The following LRMDA variants were observed in gnomAD, a reference collection of about 807,000 sequenced individuals.
The protein encoded by LRMDA is leucine-rich melanocyte differentiation-associated protein.
A neutral mutation model predicts 29.8 loss-of-function variants in LRMDA; 18 were observed. The observed-to-expected ratio is 0.60, with a 90% CI of 0.42 to 0.90. The LOEUF (loss-of-function observed/expected upper bound fraction) is 0.90, where lower values mean the gene tolerates loss of function less well. Among genes scored for constraint, LRMDA ranks in the 40% least tolerant of loss-of-function variants. The pLI, the probability that LRMDA is intolerant of heterozygous loss-of-function variation, is 0.00. For missense variants in LRMDA, 273 were observed against 273.9 expected, an observed-to-expected ratio of 1.00 and a Z score of 0.02; for synonymous variants, 125 against 109.4, an observed-to-expected ratio of 1.14 and a Z score of -0.89.
At chr10:75,846,177 T>TTGTGTGTGTGTGTGTGTG (rs59549881) in intron 2 of LRMDA, among the ~76,000 whole-genome samples, 18 of 143,054 alleles carry the variant, frequency 1.3e-4, no homozygotes, top group East Asian at 4.1e-4. Context: ...GTGTGTGTGT[T>TTGTGTGTGTGTGTGTGTG]TGTGTGTGTG....
intron 6 of LRMDA, among the ~76,000 whole-genome samples, chr10:76,506,619 C>T (rs1274328494): frequency 1.3e-5 from 2 of 151,890 alleles, no homozygotes; most frequent in East Asian, 3.9e-4. Context: ...TTTCTTCATC[C>T]CTCTCTCCCC....
chr10:76,016,016 A>T (rs1303692469), intron 2 of LRMDA, among the ~76,000 whole-genome samples: 1 of 152,228 alleles, frequency 6.6e-6, no homozygotes, highest in Admixed American at 6.5e-5. Context: ...TATGTGGCAT[A>T]TAATCATATA....
At chr10:76,399,742 T>G (rs1841828273) in intron 6 of LRMDA, among the ~76,000 whole-genome samples, 1 of 152,230 alleles carries the variant, frequency 6.6e-6, no homozygotes, top group African/African-American at 2.4e-5. Context: ...CTTGGAACTT[T>G]TATTTTCTCC....
chr10:76,058,386 C>A (rs1038440937), intron 4 of LRMDA, among the ~76,000 whole-genome samples: 1 of 152,194 alleles, frequency 6.6e-6, no homozygotes, highest in Non-Finnish European at 1.5e-5. Context: ...GATAGGGTGC[C>A]ACTGGCTAAC....
At chr10:76,196,493 T>C (rs540923556) in intron 5 of LRMDA, among the ~76,000 whole-genome samples, 2 of 152,322 alleles carry the variant, frequency 1.3e-5, no homozygotes, top group East Asian at 3.9e-4. Flanking sequence ...AGAGTCCAAA[T>C]CTGCTCCTTC....
At chr10:75,532,263 G>C (rs1267163626) in intron 2 of LRMDA, among the ~76,000 whole-genome samples, 1 of 152,144 alleles carries the variant, frequency 6.6e-6, no homozygotes, top group South Asian at 2.1e-4. Context: ...ATCTTGGGGA[G>C]AGGTGACAAA....
intron 2 of LRMDA, among the ~76,000 whole-genome samples, chr10:75,916,782 C>A (rs1845942359): frequency 6.6e-6 from 1 of 152,186 alleles, no homozygotes. Flanking sequence ...TGAGCAAGAC[C>A]CTGTCAGCTT....
intron 2 of LRMDA, among the ~76,000 whole-genome samples, chr10:75,902,566 C>A (rs751708910): frequency 1.3e-4 from 19 of 151,940 alleles, no homozygotes; most frequent in Non-Finnish European, 2.8e-4. Context: ...TTTATTCATT[C>A]CTTCATTTAT....
chr10:75,799,731 A>G (rs931416201), intron 2 of LRMDA, among the ~76,000 whole-genome samples: 14 of 146,236 alleles, frequency 9.6e-5, no homozygotes, highest in African/African-American at 3.7e-4. Context: ...TGTTTAGTAG[A>G]GACGGGGTTT....
At chr10:75,795,786 A>G (rs1164559812) in intron 2 of LRMDA, among the ~76,000 whole-genome samples, 1 of 152,184 alleles carries the variant, frequency 6.6e-6, no homozygotes, top group East Asian at 1.9e-4. Context: ...CAATTAAAAA[A>G]GCCTGTGGGG....
intron 5 of LRMDA, among the ~76,000 whole-genome samples, chr10:76,065,747 C>G (rs996571500): frequency 2.6e-5 from 4 of 152,236 alleles, no homozygotes; most frequent in African/African-American, 9.6e-5. Context: ...TCTGCCCTTG[C>G]TGTGGCTCCC....
At chr10:76,124,164 A>C (rs1211120074) in intron 5 of LRMDA, among the ~76,000 whole-genome samples, 1 of 152,198 alleles carries the variant, frequency 6.6e-6, no homozygotes, top group East Asian at 1.9e-4. Flanking sequence ...ATCAAGTACT[A>C]AGTATCCCTC....
At chr10:76,183,498 C>T (rs1589367008) in intron 5 of LRMDA, among the ~76,000 whole-genome samples, 2 of 152,102 alleles carry the variant, frequency 1.3e-5, no homozygotes, top group South Asian at 2.1e-4. Flanking sequence ...TTTATTTGCA[C>T]CTGAATGGTA....
intron 5 of LRMDA, among the ~76,000 whole-genome samples, chr10:76,285,971 G>A (rs978613175): frequency 6.6e-6 from 1 of 152,136 alleles, no homozygotes; most frequent in African/African-American, 2.4e-5. Context: ...CTTTATTCTG[G>A]ATATGTGGGA....
chr10:76,123,545 G>A (rs1288835470), intron 5 of LRMDA, among the ~76,000 whole-genome samples: 2 of 152,112 alleles, frequency 1.3e-5, no homozygotes, highest in Non-Finnish European at 2.9e-5. Flanking sequence ...GTCAATATAT[G>A]TAAAACACAG....
At chr10:76,270,471 G>C (rs1342458805) in intron 5 of LRMDA, 2 of 152,394 alleles carry the variant, frequency 1.3e-5, no homozygotes, top group Non-Finnish European at 2.9e-5. Flanking sequence ...ATTAGCTGTA[G>C]AGAGAGAGTA....
intron 2 of LRMDA, among the ~76,000 whole-genome samples, chr10:75,526,702 A>T (rs1036831438): frequency 6.6e-6 from 1 of 151,984 alleles, no homozygotes; most frequent in African/African-American, 2.4e-5. Context: ...AAAAAAATTT[A>T]AAAATTAGCT....
At chr10:76,068,682 G>A (rs769019535) in intron 5 of LRMDA, among the ~76,000 whole-genome samples, 4 of 152,134 alleles carry the variant, frequency 2.6e-5, no homozygotes, top group East Asian at 1.9e-4. Flanking sequence ...CTGTAGCCCC[G>A]GGATTGGTGT....
chr10:76,195,639 T>C (rs568607710), intron 5 of LRMDA, among the ~76,000 whole-genome samples: 2 of 152,292 alleles, frequency 1.3e-5, no homozygotes, highest in African/African-American at 4.8e-5. Context: ...TATAAGTTTG[T>C]CATTCTTTTC....
Sources: gnomAD v4.1 joint callset for allele counts (sites outside exome capture counted in the v4.1 genomes callset) on GRCh38, gnomAD v4.1.1 for gene constraint, MANE v1.5 for transcripts, NCBI Gene and HGNC (gene_info 2026-07-23, HGNC 2026-07-21) for gene names.